Variants in DYSF observed in about 807,000 individuals in gnomAD.
DYSF encodes dystrophy-associated fer-1-like 1.
Under a neutral mutation model 274.9 loss-of-function variants are expected in DYSF, and 212 were observed. The observed-to-expected ratio is 0.77, with a 90% confidence interval of 0.69 to 0.86. The LOEUF is 0.86. Among genes scored for constraint, DYSF ranks in the 40% least tolerant of loss-of-function variants. The probability of loss-of-function intolerance (pLI) is 0.00; values close to 1 mark genes in which losing one functional copy is unlikely to be tolerated. For missense variants in DYSF, 2,666 were observed against 2,783.2 expected (o/e 0.96, Z 0.95); for synonymous variants, 1,091 against 1,078.7 (o/e 1.01, Z -0.22).
chr2:71,479,028 G>C (rs1321495380), intron 1 of DYSF, among the ~76,000 whole-genome samples: 1 of 151,970 alleles, frequency 6.6e-6, no homozygotes, highest in African/African-American at 2.4e-5. Flanking sequence ...GGGCTCCTGG[G>C]AGATGTGGCC....
intron 40 of DYSF, among the ~76,000 whole-genome samples, chr2:71,619,285 CG>C (rs1463222097): frequency 2.0e-5 from 3 of 152,068 alleles, no homozygotes; most frequent in Non-Finnish European, 4.4e-5. Context: ...AGGGGTCACA[CG>C]ACATGTGGCC....
chr2:71,509,887 T>C (rs931058228), intron 4 of DYSF, among the ~76,000 whole-genome samples: 2 of 152,116 alleles, frequency 1.3e-5, no homozygotes, highest in Admixed American at 1.3e-4. Flanking sequence ...GCGATTCTCC[T>C]GCCTCAGCCT....
chr2:71,533,101 C>T (rs115357242), intron 14 of DYSF, among the ~76,000 whole-genome samples: 6,558 of 152,214 alleles, frequency 0.043, 159 homozygotes, highest in Middle Eastern at 0.075. Flanking sequence ...CTCATTGCAG[C>T]CTCTGCCTCC....
intron 55 of DYSF, among the ~76,000 whole-genome samples, chr2:71,683,323 G>A (rs1240017919): frequency 6.6e-6 from 1 of 152,166 alleles, no homozygotes; most frequent in Non-Finnish European, 1.5e-5. Flanking sequence ...ACCAGAGGTG[G>A]CTGTCGTGCC....
At chr2:71,507,449 C>T (rs564404765) in intron 4 of DYSF, among the ~76,000 whole-genome samples, 5 of 152,348 alleles carry the variant, frequency 3.3e-5, no homozygotes, top group South Asian at 4.1e-4. Flanking sequence ...CTAACATACT[C>T]TCTTCTTTAT....
intron 3 of DYSF, among the ~76,000 whole-genome samples, chr2:71,484,050 T>TA (rs1275308374): frequency 8.5e-6 from 1 of 117,246 alleles, no homozygotes; most frequent in African/African-American, 3.6e-5. Flanking sequence ...TTTCCCTTTT[T>TA]TTTTTTTTTT....
intron 27 of DYSF, 97 bp from the exon 28 acceptor site, chr2:71,570,132 C>A: frequency 8.3e-7 from 1 of 1,211,858 alleles, no homozygotes; most frequent in Non-Finnish European, 1.2e-6. Flanking sequence ...CTGTCTGGGA[C>A]TTGGAGGACG....
intron 41 of DYSF, among the ~76,000 whole-genome samples, chr2:71,627,889 A>C (rs760654368): frequency 4.6e-5 from 7 of 152,058 alleles, no homozygotes; most frequent in Non-Finnish European, 1.0e-4. Flanking sequence ...GTTCATGTTA[A>C]TATAGCTACC....
At chr2:71,684,355 G>A (rs2095330893) in intron 55 of DYSF, among the ~76,000 whole-genome samples, 1 of 152,196 alleles carries the variant, frequency 6.6e-6, no homozygotes, top group Non-Finnish European at 1.5e-5. Flanking sequence ...TCCTGCCCAG[G>A]GGGCACCCTT....
chr2:71,465,791 G>A (rs1432196731), upstream of DYSF, among the ~76,000 whole-genome samples: 1 of 152,166 alleles, frequency 6.6e-6, no homozygotes, highest in Admixed American at 6.5e-5. Context: ...ATAGAAGTGC[G>A]AAGCCAGGGC....
chr2:71,563,682 G>A (rs977118651), intron 23 of DYSF, among the ~76,000 whole-genome samples: 2 of 152,136 alleles, frequency 1.3e-5, no homozygotes, highest in African/African-American at 4.8e-5. Flanking sequence ...TACCTCCCTG[G>A]TCAAATCTAG....
chr2:71,497,234 C>G (rs1008259165), intron 3 of DYSF, among the ~76,000 whole-genome samples: 2 of 152,176 alleles, frequency 1.3e-5, no homozygotes, highest in African/African-American at 2.4e-5. Flanking sequence ...GAGTGTTATT[C>G]TTACTCAAAT....
chr2:71,545,409 G>T (rs2090385905), intron 17 of DYSF, among the ~76,000 whole-genome samples: 1 of 152,148 alleles, frequency 6.6e-6, no homozygotes, highest in South Asian at 2.1e-4. Flanking sequence ...CTTCCTGAAG[G>T]CACTGCGAAC....
chr2:71,483,318 G>C (rs1403182019), intron 3 of DYSF, among the ~76,000 whole-genome samples: 1 of 152,232 alleles, frequency 6.6e-6, no homozygotes, highest in East Asian at 1.9e-4. Context: ...AGACACTGTG[G>C]AAGGCAAGGC....
chr2:71,559,080 C>T (rs184686466), intron 22 of DYSF, among the ~76,000 whole-genome samples: 2 of 152,292 alleles, frequency 1.3e-5, no homozygotes, highest in East Asian at 1.9e-4. Context: ...GCCCTTTTCC[C>T]GGCTCATCTT....
At chr2:71,478,043 GTTTTT>G (rs61140655) in intron 1 of DYSF, among the ~76,000 whole-genome samples, 8 of 129,224 alleles carry the variant, frequency 6.2e-5, no homozygotes, top group African/African-American at 1.9e-4. Flanking sequence ...GGAAGTTATA[GTTTTT>G]TTTTTTTTTT....
intron 1 of DYSF, among the ~76,000 whole-genome samples, chr2:71,457,131 A>G (rs2081100525): frequency 6.6e-6 from 1 of 152,210 alleles, no homozygotes; most frequent in Non-Finnish European, 1.5e-5. Flanking sequence ...TATGAAAGAG[A>G]TCTATTTAAC....
chr2:71,577,528 C>CA lies in DYSF; in HGVS notation c.3402+3157_3402+3158insA, dbSNP rs111880320. On this transcript the variant is annotated intron_variant, in intron 30 of 55. Transcript: ENST00000410020. The stretch of plus-strand genomic sequence containing the variant: ...ACAGCCCCACTCTCATGCAGCCCCC[C>CA]CACTCTCACACTAACACGTACACAA... Among the ~76,000 whole-genome samples, 147 of 149,294 alleles carry CA rather than the reference C, an allele frequency of 9.8e-4. 1 individual carries two copies. Among genetic ancestry groups the CA allele is most frequent in the African/African-American group, 3.4e-3 (139 of 40,498 alleles).
intron 51 of DYSF, among the ~76,000 whole-genome samples, chr2:71,671,659 T>C (rs948962220): frequency 6.6e-6 from 1 of 151,760 alleles, no homozygotes; most frequent in African/African-American, 2.4e-5. Flanking sequence ...CTGCTATGAG[T>C]GACAGTGAGG....
Sources: allele counts gnomAD v4.1 joint callset (sites outside exome capture counted in the v4.1 genomes callset), GRCh38; gene constraint gnomAD v4.1.1; transcripts MANE v1.5; gene names NCBI Gene and HGNC (gene_info 2026-07-23, HGNC 2026-07-21).